PTCHD4: variants seen among roughly 807,000 people sequenced by gnomAD.
The protein encoded by PTCHD4 is patched domain-containing protein 4.
In PTCHD4, 33 loss-of-function variants were observed where a neutral mutation model predicts 58.1. That is an observed-to-expected ratio of 0.57 (90% CI 0.43 to 0.76). The LOEUF (loss-of-function observed/expected upper bound fraction) is 0.76. Among genes scored for constraint, PTCHD4 ranks in the 30% least tolerant of loss-of-function variants. The pLI is 0.00. For synonymous variants in PTCHD4, 478 were observed against 409.6 expected, an observed-to-expected ratio of 1.17 and a Z score of -2.02; for missense variants, 1,058 against 1,027.1, an observed-to-expected ratio of 1.03 and a Z score of -0.41.
intron 4 of PTCHD4, among the ~76,000 whole-genome samples, chr6:47,880,166 A>C (rs1763978627): frequency 6.6e-6 from 1 of 152,094 alleles, no homozygotes; most frequent in Admixed American, 6.6e-5. Flanking sequence ...TGAAACATGT[A>C]TTGTCTGTTC....
chr6:47,967,357 G>A (rs138750052), intron 4 of PTCHD4, among the ~76,000 whole-genome samples: 1,589 of 152,296 alleles, frequency 0.01, 9 homozygotes, highest in Non-Finnish European at 0.015. Context: ...TGTTATCCAG[G>A]CTTTGTTGTT....
intron 1 of PTCHD4, among the ~76,000 whole-genome samples, chr6:48,102,906 AG>A (rs1418110759): frequency 6.6e-6 from 1 of 152,154 alleles, no homozygotes; most frequent in Non-Finnish European, 1.5e-5. Flanking sequence ...AGGCTGGGGG[AG>A]GGGTGCCCAC....
chr6:48,094,298 G>T (rs946470277), intron 1 of PTCHD4, among the ~76,000 whole-genome samples: 2 of 152,170 alleles, frequency 1.3e-5, no homozygotes, highest in Admixed American at 1.3e-4. Context: ...GAAATAATGC[G>T]AGGAAATGAA....
At chr6:48,103,292 C>T (rs567452091) in intron 1 of PTCHD4, among the ~76,000 whole-genome samples, 1 of 152,308 alleles carries the variant, frequency 6.6e-6, no homozygotes, top group Non-Finnish European at 1.5e-5. Context: ...ATTTGCGGTT[C>T]ACCAATATCC....
chr6:47,977,520 G>A (rs1300695250), intron 4 of PTCHD4, among the ~76,000 whole-genome samples: 1 of 152,168 alleles, frequency 6.6e-6, no homozygotes, highest in African/African-American at 2.4e-5. Flanking sequence ...CACTGAGTGA[G>A]CTTGGAAAGG....
At chr6:48,041,226 T>G (rs1027006822) in intron 3 of PTCHD4, among the ~76,000 whole-genome samples, 3 of 152,048 alleles carry the variant, frequency 2.0e-5, no homozygotes, top group East Asian at 1.9e-4. Flanking sequence ...CTCTCAATTT[T>G]CACAAAGAAA....
chr6:47,936,452 G>A (rs546614741), intron 4 of PTCHD4, among the ~76,000 whole-genome samples: 2 of 152,174 alleles, frequency 1.3e-5, no homozygotes, highest in African/African-American at 2.4e-5. Flanking sequence ...ACATAATTTC[G>A]AAAAGCCCTG....
At chr6:47,907,693 A>G (rs1764938821) in intron 4 of PTCHD4, among the ~76,000 whole-genome samples, 1 of 152,186 alleles carries the variant, frequency 6.6e-6, no homozygotes, top group African/African-American at 2.4e-5. Flanking sequence ...TTTTGACAAT[A>G]GTCGCCCCAT....
At chr6:48,034,606 G>A (rs747000009) in intron 3 of PTCHD4, among the ~76,000 whole-genome samples, 6 of 152,082 alleles carry the variant, frequency 3.9e-5, no homozygotes, top group Non-Finnish European at 8.8e-5. Context: ...TTAAGTGAGA[G>A]TTAAATTCAC....
intron 4 of PTCHD4, among the ~76,000 whole-genome samples, chr6:47,960,054 TGATAAC>T (rs1411233184): frequency 6.6e-5 from 10 of 152,116 alleles, no homozygotes; most frequent in African/African-American, 1.7e-4. Context: ...TAATAATATG[TGATAAC>T]AATGACAAGA....
intron 4 of PTCHD4, among the ~76,000 whole-genome samples, chr6:47,902,566 A>T (rs1018908687): frequency 6.6e-6 from 1 of 152,226 alleles, no homozygotes; most frequent in Non-Finnish European, 1.5e-5. Flanking sequence ...GAAATGGGAG[A>T]CATTTAGTGA....
chr6:47,882,278 A>G (rs1404150500), intron 4 of PTCHD4, among the ~76,000 whole-genome samples: 1 of 152,124 alleles, frequency 6.6e-6, no homozygotes, highest in African/African-American at 2.4e-5. Context: ...TTTATGGAAC[A>G]TTAGGTACAC....
chr6:47,913,910 G>A lies in PTCHD4; in HGVS notation c.899-33974C>T, dbSNP rs191497150. Among the ~76,000 whole-genome samples the A allele has an allele frequency of 7.9e-5, 12 of 152,180 alleles. No homozygotes were observed. In the East Asian group the frequency reaches 2.3e-3, roughly 29 times the overall value. ...AAAGCATCTAGGCAATTCTGATGCA[G>A]GTTATCTCTGAGGTAGATATTAGCA... On this transcript the variant is annotated intron_variant, in intron 4 of 4. Transcript: ENST00000339488.
At chr6:48,035,922 C>A (rs568337170) in intron 3 of PTCHD4, among the ~76,000 whole-genome samples, 1 of 152,196 alleles carries the variant, frequency 6.6e-6, no homozygotes, top group South Asian at 2.1e-4. Flanking sequence ...AGCCTTATCT[C>A]TCTCCCCCAC....
intron 4 of PTCHD4, among the ~76,000 whole-genome samples, chr6:47,961,283 ATTTC>A (rs1767081929): frequency 6.6e-6 from 1 of 151,442 alleles, no homozygotes; most frequent in Admixed American, 6.6e-5. Flanking sequence ...AACAAAGTAA[ATTTC>A]TTTCTTTTTT....
At chr6:47,975,374 C>T (rs140900071) in intron 4 of PTCHD4, among the ~76,000 whole-genome samples, 2 of 152,048 alleles carry the variant, frequency 1.3e-5, no homozygotes, top group Admixed American at 1.3e-4. Flanking sequence ...CATCTGTTTT[C>T]CTAATCTTCT....
chr6:47,998,487 C>A (rs1768587226), intron 4 of PTCHD4, among the ~76,000 whole-genome samples: 1 of 152,160 alleles, frequency 6.6e-6, no homozygotes, highest in Non-Finnish European at 1.5e-5. Flanking sequence ...ATCTCACCCT[C>A]AGTAAAATTG....
chr6:47,969,331 A>G (rs1767414297), intron 4 of PTCHD4, among the ~76,000 whole-genome samples: 1 of 152,248 alleles, frequency 6.6e-6, no homozygotes, highest in South Asian at 2.1e-4. Context: ...AAACCTATCA[A>G]GCGTGCATTT....
At chr6:47,917,401 A>C (rs1360403135) in intron 4 of PTCHD4, among the ~76,000 whole-genome samples, 2 of 152,134 alleles carry the variant, frequency 1.3e-5, no homozygotes, top group Non-Finnish European at 2.9e-5. Flanking sequence ...GAAAATGCAT[A>C]ATCAGCGAAA....
Sources: allele counts gnomAD v4.1 joint callset (sites outside exome capture counted in the v4.1 genomes callset), GRCh38; gene constraint gnomAD v4.1.1; transcripts MANE v1.5; gene names NCBI Gene and HGNC (gene_info 2026-07-23, HGNC 2026-07-21).